AGFG1: variants seen among roughly 807,000 people sequenced by gnomAD.
AGFG1 encodes the protein arf-GAP domain and FG repeat-containing protein 1.
A neutral mutation model predicts 60.6 loss-of-function variants in AGFG1; 10 were observed. That is an observed-to-expected ratio of 0.16 (90% confidence interval 0.10 to 0.28). The LOEUF is 0.28. Ranked by LOEUF, AGFG1 falls within the 10% of genes least tolerant of loss-of-function variation. The pLI is 1.00. For missense variants in AGFG1, 537 were observed against 676.5 expected, an observed-to-expected ratio of 0.79 and a Z score of 2.29; for synonymous variants, 247 against 242.9, an observed-to-expected ratio of 1.02 and a Z score of -0.16.
chr2:227,477,806 C>T (rs1486646447), intron 1 of AGFG1, among the ~76,000 whole-genome samples: 1 of 151,914 alleles, frequency 6.6e-6, no homozygotes. Flanking sequence ...GATGGGGTTT[C>T]ACCATGTTGG....
intron 2 of AGFG1, among the ~76,000 whole-genome samples, chr2:227,502,844 T>A (rs987505508): frequency 6.6e-6 from 1 of 152,182 alleles, no homozygotes; most frequent in African/African-American, 2.4e-5. Context: ...TGATAGGGAT[T>A]GAGTTTCATA....
chr2:227,485,485 C>G (rs893812803), intron 1 of AGFG1, among the ~76,000 whole-genome samples: 58 of 151,664 alleles, frequency 3.8e-4, no homozygotes, highest in Non-Finnish European at 4.1e-4. Context: ...ATCCACCTGC[C>G]TCAGCCTCCC....
Position 227,555,510 on chromosome 2 carries a change from A to T in AGFG1, c.*1015A>T, listed in dbSNP as rs1218605810. 1 of 152,592 alleles carries T rather than the reference A, an allele frequency of 6.6e-6. No homozygotes were observed. The highest frequency in any genetic ancestry group is 2.4e-5 in the African/African-American group (1 of 41,452). 9.5% of individuals were successfully genotyped at this position (152,592 alleles called of 1,614,324 possible). ...TTGTCTTTGAATGTATTGGAAGTAG[A>T]CATGCATTAACTGTGACATTATTGC... On this transcript the variant is annotated 3_prime_UTR_variant, in exon 13 of 13. Transcript: ENST00000310078.
chr2:227,559,938 A>G lies in AGFG1; in HGVS notation c.*5443A>G, dbSNP rs936868669. The stretch of plus-strand genomic sequence containing the variant: ...TAATATATGCTTATGATTTCTAAAA[A>G]TTATGCAGTATACACAAAGGGCATA... On this transcript the variant is annotated 3_prime_UTR_variant, in exon 13 of 13. Transcript: ENST00000310078. The G allele has an allele frequency of 6.6e-6, 1 of 152,180 alleles. No homozygotes were observed. The highest frequency in any genetic ancestry group is 2.4e-5 in the African/African-American group (1 of 41,456). The allele number at this position is 152,180 out of a possible 1,614,324, so 9.4% of individuals were successfully genotyped here.
At chr2:227,477,023 T>G (rs1277068819) in intron 1 of AGFG1, among the ~76,000 whole-genome samples, 2 of 151,548 alleles carry the variant, frequency 1.3e-5, no homozygotes, top group Non-Finnish European at 2.9e-5. Context: ...TGCCTCAGCC[T>G]CCCAAGTAGC....
chr2:227,482,256 A>C (rs1289563636), intron 1 of AGFG1, among the ~76,000 whole-genome samples: 13 of 152,122 alleles, frequency 8.5e-5, no homozygotes, highest in Non-Finnish European at 1.6e-4. Flanking sequence ...TGTTACAAGG[A>C]CCTTATGGTG....
Position 227,524,767 on chromosome 2 carries a change from A to T in AGFG1, c.546A>T (p.Pro182=), listed in dbSNP as rs1691938345. ...AGTTAATATGTGGTTTGTAGTCCCC[A>T]GTTGTAGGTCGTTCTCAAGGGCAGC... ...HLNKGTPSQS[P]VVGRSQGQQQ... The change falls in exon 5 of 13, where the codon CCA becomes CCT. Residue 182 remains proline, a synonymous_variant. Coordinates refer to ENST00000310078, the MANE Select transcript of AGFG1 (RefSeq NM_004504.5). 1.2e-6 allele frequency: 2 copies of T among 1,614,090 alleles called. No individual in the cohort carries two copies. Among genetic ancestry groups the T allele is most frequent in the East Asian group, 4.5e-5 (2 of 44,882 alleles).
chr2:227,500,822 C>T (rs879482708), intron 2 of AGFG1, among the ~76,000 whole-genome samples: 2 of 151,688 alleles, frequency 1.3e-5, no homozygotes, highest in South Asian at 2.1e-4. Context: ...GACAGAGTTT[C>T]GCTCTTGTTG....
chr2:227,537,151 T>C (rs768941593), intron 10 of AGFG1, among the ~76,000 whole-genome samples, 158 bp downstream of exon 10: 21 of 152,218 alleles, frequency 1.4e-4, no homozygotes, highest in Non-Finnish European at 2.8e-4. Context: ...AGCTGAAAGT[T>C]CATAAAATCC....
Position 227,493,391 on chromosome 2 carries a change from A to G in AGFG1, c.261+1751A>G, listed in dbSNP as rs760607832. On this transcript the variant is annotated intron_variant, in intron 2 of 12. Coordinates refer to ENST00000310078, the MANE Select transcript of AGFG1 (RefSeq NM_004504.5). Reference sequence around the variant, plus strand: ...GGTTTGACTATTTTAGATACCTCATATAAATGGAATTACACAATATTTGTA... The same window carrying G: ...GGTTTGACTATTTTAGATACCTCATGTAAATGGAATTACACAATATTTGTA... Among the ~76,000 whole-genome samples, 28 of 152,196 alleles carry G rather than the reference A, an allele frequency of 1.8e-4. 1 individual carries two copies. Among genetic ancestry groups the G allele is most frequent in the African/African-American group, 1.9e-4 (8 of 41,444 alleles).
intron 1 of AGFG1, among the ~76,000 whole-genome samples, chr2:227,490,904 A>AT (rs1277821192): frequency 6.6e-6 from 1 of 152,208 alleles, no homozygotes; most frequent in Non-Finnish European, 1.5e-5. Context: ...TTGTTAAATC[A>AT]TGCATGCAGC....
At chr2:227,523,705 T>A in intron 3 of AGFG1, 58 bp from the exon 4 acceptor site, 2 of 1,508,956 alleles carry the variant, frequency 1.3e-6, no homozygotes, top group Non-Finnish European at 1.8e-6. Flanking sequence ...AGCTTATCAT[T>A]TTTTGATATA....
intron 5 of AGFG1, among the ~76,000 whole-genome samples, chr2:227,530,851 A>T (rs1692137586): frequency 1.3e-5 from 2 of 152,134 alleles, no homozygotes; most frequent in African/African-American, 4.8e-5. Context: ...TATACAGAGT[A>T]TTGTGTCCAA....
At chr2:227,479,120 T>G (rs1019622194) in intron 1 of AGFG1, among the ~76,000 whole-genome samples, 1 of 152,188 alleles carries the variant, frequency 6.6e-6, no homozygotes, top group African/African-American at 2.4e-5. Flanking sequence ...GGCATTAACT[T>G]TAGGTTTCTC....
intron 2 of AGFG1, among the ~76,000 whole-genome samples, chr2:227,513,366 T>C (rs1691550434): frequency 6.6e-6 from 1 of 152,176 alleles, no homozygotes; most frequent in African/African-American, 2.4e-5. Flanking sequence ...TGTCCCTGCT[T>C]TCTAGTTGGG....
chr2:227,540,514 A>G (rs2106230270), intron 10 of AGFG1, among the ~76,000 whole-genome samples: 1 of 152,286 alleles, frequency 6.6e-6, no homozygotes, highest in East Asian at 1.9e-4. Context: ...GTGCCTACAA[A>G]GGACATGAAC....
chr2:227,494,281 A>G (rs1690911308), intron 2 of AGFG1, among the ~76,000 whole-genome samples: 1 of 152,164 alleles, frequency 6.6e-6, no homozygotes, highest in Non-Finnish European at 1.5e-5. Context: ...TCTTTTTTAA[A>G]CCTTTAAATG....
chr2:227,558,371 G>A lies in AGFG1; in HGVS notation c.*3876G>A, dbSNP rs1039014772. 6.6e-6 allele frequency: 1 copy of A among 151,400 alleles called. No individual in the cohort carries two copies. The highest frequency in any genetic ancestry group is 2.4e-5 in the African/African-American group (1 of 41,236). The allele number at this position is 151,400 out of a possible 1,614,324, so 9.4% of individuals were successfully genotyped here. The stretch of plus-strand genomic sequence containing the variant: ...ACTTGAATTCCTTTCATAATTTGAT[G>A]AAATCAGTACAGTTTATTCTTGGTT... On this transcript the variant is annotated 3_prime_UTR_variant, in exon 13 of 13. Transcript: ENST00000310078.
chr2:227,489,223 G>GTTTTTTT lies in AGFG1; in HGVS notation c.168-2305_168-2299dup, dbSNP rs55762248. 1.1e-4 allele frequency among the ~76,000 whole-genome samples: 8 copies of GTTTTTTT among 74,782 alleles called. 1 individual carries two copies. Among genetic ancestry groups the GTTTTTTT allele is most frequent in the African/African-American group, 2.9e-4 (5 of 17,390 alleles). 49.1% of individuals were successfully genotyped at this position (74,782 alleles called of 152,430 possible). ...TGTTTCTTCAGAGTTAGTTTTGAGA[G>GTTTTTTT]TTTTTTTTTTTTTTTTTTTTTTTTT... On this transcript the variant is annotated intron_variant, in intron 1 of 12. Transcript: ENST00000310078.
Sources: gnomAD v4.1 joint callset for allele counts (sites outside exome capture counted in the v4.1 genomes callset) on GRCh38, gnomAD v4.1.1 for gene constraint, MANE v1.5 for transcripts, NCBI Gene and HGNC (gene_info 2026-07-23, HGNC 2026-07-21) for gene names.